The following GATAD2B variants were observed in gnomAD, a reference collection of about 807,000 sequenced individuals.
GATAD2B encodes the protein transcriptional repressor p66-beta.
Under a neutral mutation model 64.3 loss-of-function variants are expected in GATAD2B, and 8 were observed. That is an observed-to-expected ratio of 0.12 (90% CI 0.07 to 0.22). The LOEUF is 0.22. GATAD2B is among the 10% of genes least tolerant of loss of function. The pLI, the probability that GATAD2B is intolerant of heterozygous loss-of-function variation, is 1.00. For missense variants in GATAD2B, 453 were observed against 752.0 expected, an observed-to-expected ratio of 0.60 and a Z score of 4.65; for synonymous variants, 281 against 271.3, an observed-to-expected ratio of 1.04 and a Z score of -0.35.
At chr1:153,875,674 G>C (rs1570980412) in intron 1 of GATAD2B, among the ~76,000 whole-genome samples, 1 of 90,252 alleles carries the variant, frequency 1.1e-5, no homozygotes, top group South Asian at 5.0e-4. Context: ...CCTACCACGA[G>C]TTTGGAGGGA....
intron 1 of GATAD2B, among the ~76,000 whole-genome samples, chr1:153,876,257 A>AAAAAAT (rs1461197459): frequency 7.4e-6 from 1 of 135,374 alleles, no homozygotes; most frequent in African/African-American, 2.7e-5. Flanking sequence ...AAAAAAAAAA[A>AAAAAAT]AAAGATTTCA....
chr1:153,812,091 G>A lies in GATAD2B; in HGVS notation c.1461C>T (p.Pro487=), dbSNP rs531641324. 4.3e-6 allele frequency: 7 copies of A among 1,612,746 alleles called. No individual in the cohort carries two copies. The highest frequency in any genetic ancestry group is 5.1e-6 in the Non-Finnish European group (6 of 1,178,914). Reference sequence around the variant, plus strand: ...CACTGGACACAGCTGGAGCCGTAGTGGGGGAGAGGGCTGCCTGCTGCTGTA... The same window carrying A: ...CACTGGACACAGCTGGAGCCGTAGTAGGGGAGAGGGCTGCCTGCTGCTGTA... ...QRLQQQAALS[P]TTAPAVSSVS... is the part of the protein sequence containing the mutation. Residue 487 remains proline (P), a synonymous_variant, in exon 9 of 11, where the codon CCC becomes CCT. Coordinates refer to ENST00000368655, the MANE Select transcript of GATAD2B (RefSeq NM_020699.4).
chr1:153,912,884 G>A (rs1480727786), intron 1 of GATAD2B, among the ~76,000 whole-genome samples: 1 of 151,988 alleles, frequency 6.6e-6, no homozygotes, highest in Non-Finnish European at 1.5e-5. Context: ...CCTGAGGTCA[G>A]GAGTTCAAGA....
chr1:153,825,271 C>A (rs1028833138), intron 2 of GATAD2B, among the ~76,000 whole-genome samples: 2 of 152,114 alleles, frequency 1.3e-5, no homozygotes, highest in Non-Finnish European at 2.9e-5. Context: ...ATCTCATTCA[C>A]CCATATCCTT....
At position 153,899,388 on chromosome 1, in the gene GATAD2B, G is replaced by C. The variant is rs887293559; in HGVS notation, c.-2+23345C>G. Among the ~76,000 whole-genome samples, 13 of 152,200 alleles carry C rather than the reference G, an allele frequency of 8.5e-5. 1 individual carries two copies. Among genetic ancestry groups the C allele is most frequent in the Admixed American group, 7.9e-4 (12 of 15,258 alleles). On this transcript the variant is annotated intron_variant, in intron 1 of 10. Transcript: ENST00000368655. ...GCTCGAGACCAGCGTGGCCAACATA[G>C]TGAAACCCCATTTCTACTAAAAATA...
chr1:153,837,378 A>AAAC (rs72377322), intron 1 of GATAD2B, among the ~76,000 whole-genome samples: 1,711 of 32,458 alleles, frequency 0.053, 14 homozygotes, highest in Non-Finnish European at 0.13. Context: ...CAAAACAAAC[A>AAAC]AAAAAAAAAA....
chr1:153,881,326 A>G (rs1282155863), intron 1 of GATAD2B, among the ~76,000 whole-genome samples: 1 of 152,198 alleles, frequency 6.6e-6, no homozygotes, highest in African/African-American at 2.4e-5. Context: ...GAAATTTTAA[A>G]AAGGGGAGGA....
chr1:153,886,633 T>C (rs1677194259), intron 1 of GATAD2B: 1 of 147,774 alleles, frequency 6.8e-6, no homozygotes, highest in Admixed American at 6.9e-5. Flanking sequence ...GTTCACGCCA[T>C]TCTCCTGTCT....
intron 1 of GATAD2B, among the ~76,000 whole-genome samples, chr1:153,881,161 G>A (rs1188181850): frequency 2.6e-5 from 4 of 151,964 alleles, no homozygotes; most frequent in South Asian, 2.1e-4. Flanking sequence ...ACACGAGCGC[G>A]CGCACATTCT....
intron 1 of GATAD2B, among the ~76,000 whole-genome samples, chr1:153,894,243 A>C (rs1435790664): frequency 6.6e-6 from 1 of 152,012 alleles, no homozygotes; most frequent in Non-Finnish European, 1.5e-5. Flanking sequence ...TGAGGCGGGC[A>C]GATCACTTGA....
chr1:153,895,490 G>A (rs1286233384), intron 1 of GATAD2B, among the ~76,000 whole-genome samples: 1 of 151,952 alleles, frequency 6.6e-6, no homozygotes, highest in Non-Finnish European at 1.5e-5. Flanking sequence ...TGATATGGGA[G>A]GATCACTTAA....
intron 1 of GATAD2B, among the ~76,000 whole-genome samples, chr1:153,843,832 A>AC (rs1415151309): frequency 2.7e-5 from 4 of 147,242 alleles, no homozygotes; most frequent in Non-Finnish European, 4.5e-5. Flanking sequence ...AAAAAAAAAA[A>AC]CCCAAACAAA....
intron 1 of GATAD2B, among the ~76,000 whole-genome samples, chr1:153,878,364 A>G (rs970330562): frequency 6.6e-6 from 1 of 151,964 alleles, no homozygotes; most frequent in Admixed American, 6.6e-5. Context: ...CCTGAGCTCA[A>G]GCAATTCTGC....
rs570468251 is a variant in GATAD2B at position 153,920,494 on chromosome 1, T to G, written c.-2+2239A>C. On this transcript the variant is annotated intron_variant, in intron 1 of 10. Transcript: ENST00000368655. ...TAAAAGTTACTGCCAGAATTTAGAT[T>G]TGAAGGGCTGATCAGGGAACCTGGT... 2.0e-5 allele frequency among the ~76,000 whole-genome samples: 3 copies of G among 152,236 alleles called. No homozygotes were observed. In the East Asian group the frequency reaches 5.8e-4, roughly 29 times the overall value.
chr1:153,888,656 G>A (rs977484644), intron 1 of GATAD2B, among the ~76,000 whole-genome samples: 41 of 152,138 alleles, frequency 2.7e-4, no homozygotes, highest in African/African-American at 9.7e-4. Flanking sequence ...TGCCACAGAC[G>A]AAAGAGAAAG....
At chr1:153,877,997 T>C (rs1007365321) in intron 1 of GATAD2B, among the ~76,000 whole-genome samples, 6 of 152,096 alleles carry the variant, frequency 3.9e-5, no homozygotes, top group Non-Finnish European at 5.9e-5. Flanking sequence ...TTTGGTCTGT[T>C]GCTATTTTGT....
At chr1:153,895,195 G>A (rs1043613749) in intron 1 of GATAD2B, among the ~76,000 whole-genome samples, 4 of 152,078 alleles carry the variant, frequency 2.6e-5, no homozygotes, top group African/African-American at 9.7e-5. Context: ...AGCTGGGCGT[G>A]GTGGAACGTG....
In GATAD2B at chr1:153,816,692, G is replaced by A. The variant is rs376403694; in HGVS notation, c.901-104C>T. On this transcript the variant is annotated intron_variant, in intron 6 of 10. Coordinates refer to ENST00000368655, the MANE Select transcript of GATAD2B (RefSeq NM_020699.4). This position sits in a 1 kb window ranked among gnomAD's most constrained non-coding sequence, Gnocchi z 4.9. ...GTCTGATCCTGGTTTGGACTACTTA[G>A]CTTCTCCAAAAATAGGAGGTGGTCA... is the stretch of plus-strand genomic sequence containing the variant. The A allele has an allele frequency of 8.7e-6, 6 of 692,052 alleles. No individual in the cohort carries two copies. Among genetic ancestry groups the A allele is most frequent in the Non-Finnish European group, 1.5e-5 (6 of 412,702 alleles). The allele number at this position is 692,052 out of a possible 1,614,324, so 42.9% of individuals were successfully genotyped here.
chr1:153,842,468 C>T (rs1675531193), intron 1 of GATAD2B, among the ~76,000 whole-genome samples: 1 of 152,034 alleles, frequency 6.6e-6, no homozygotes, highest in Non-Finnish European at 1.5e-5. Flanking sequence ...CCTTTCTCGC[C>T]CTCTCTCCTC....
Sources: allele counts gnomAD v4.1 joint callset (sites outside exome capture counted in the v4.1 genomes callset), GRCh38; gene constraint gnomAD v4.1.1; non-coding constraint Gnocchi (gnomAD v3.1); transcripts MANE v1.5; gene names NCBI Gene and HGNC (gene_info 2026-07-23, HGNC 2026-07-21).